RASSF8: variants seen among roughly 807,000 people sequenced by gnomAD.
RASSF8 encodes ras association domain-containing protein 8.
In RASSF8, 22 loss-of-function variants were observed where a neutral mutation model predicts 48.5. The ratio of observed to expected loss-of-function variants is 0.45; its 90% CI spans 0.32 to 0.65. RASSF8 has a LOEUF of 0.65. Among genes scored for constraint, RASSF8 ranks in the 30% least tolerant of loss-of-function variants. The pLI, the probability that RASSF8 is intolerant of heterozygous loss-of-function variation, is 0.03. For synonymous variants in RASSF8, 127 were observed against 171.5 expected, an observed-to-expected ratio of 0.74 and a Z score of 2.03; for missense variants, 418 against 489.2, an observed-to-expected ratio of 0.85 and a Z score of 1.37.
intron 3 of RASSF8, among the ~76,000 whole-genome samples, chr12:26,062,718 A>T (rs2137287655): frequency 6.6e-6 from 1 of 152,310 alleles, no homozygotes; most frequent in South Asian, 2.1e-4. Context: ...TAAATAAAAG[A>T]TCATTGTGAT....
At chr12:25,967,016 G>A (rs78522353) in intron 1 of RASSF8, among the ~76,000 whole-genome samples, 8 of 152,296 alleles carry the variant, frequency 5.3e-5, no homozygotes, top group Non-Finnish European at 1.0e-4. Flanking sequence ...CTGTTGAAAC[G>A]ACTATTCTTT....
In RASSF8 at chr12:26,068,650, T is replaced by C. The variant is rs1417213056; in HGVS notation, c.1139-47T>C. The C allele has an allele frequency of 8.5e-6, 12 of 1,414,732 alleles. No homozygotes were observed. The Admixed American group carries it at 2.2e-4, about 26-fold the overall frequency. The allele number at this position is 1,414,732 out of a possible 1,614,324, so 87.6% of individuals were successfully genotyped here. ...TCTGATTTTTTATATTGCTAAGTAC[T>C]CCAAGTTGACGAGCTCATCAGGTGG... On this transcript the variant is annotated intron_variant, in intron 5 of 5. Coordinates refer to ENST00000689635, the MANE Select transcript of RASSF8 (RefSeq NM_001394098.1).
chr12:26,032,248 G>T (rs1943045376), intron 2 of RASSF8, among the ~76,000 whole-genome samples: 1 of 152,084 alleles, frequency 6.6e-6, no homozygotes, highest in Non-Finnish European at 1.5e-5. Flanking sequence ...AAAGTTTATG[G>T]GAATATTGTG....
intron 2 of RASSF8, among the ~76,000 whole-genome samples, chr12:26,050,927 CG>C (rs1224428604): frequency 2.6e-5 from 4 of 152,030 alleles, no homozygotes; most frequent in Non-Finnish European, 5.9e-5. Flanking sequence ...ATTATCTGAT[CG>C]TTGTTTATTG....
downstream of RASSF8, among the ~76,000 whole-genome samples, chr12:26,075,932 A>C (rs528063908): frequency 6.6e-6 from 1 of 152,138 alleles, no homozygotes; most frequent in East Asian, 1.9e-4. Flanking sequence ...CTGCTCCTAC[A>C]TCACCCCACC....
At chr12:26,051,816 A>G (rs909165834) in intron 2 of RASSF8, among the ~76,000 whole-genome samples, 3 of 152,244 alleles carry the variant, frequency 2.0e-5, no homozygotes, top group Non-Finnish European at 2.9e-5. Context: ...CTGATTCATT[A>G]ACGTTGAACC....
At chr12:26,060,500 TGATAA>T (rs1943718812) in intron 3 of RASSF8, among the ~76,000 whole-genome samples, 1 of 152,316 alleles carries the variant, frequency 6.6e-6, no homozygotes, top group Non-Finnish European at 1.5e-5. Flanking sequence ...ATTTCTTCAC[TGATAA>T]GATGAGGATC....
intron 2 of RASSF8, among the ~76,000 whole-genome samples, chr12:26,004,979 C>T (rs116182792): frequency 1.0e-3 from 151 of 151,686 alleles, no homozygotes; most frequent in African/African-American, 3.4e-3. Flanking sequence ...CAAAGGGAGA[C>T]CCTGTCTTTA....
intron 2 of RASSF8, among the ~76,000 whole-genome samples, chr12:26,002,011 C>G (rs931820290): frequency 3.9e-5 from 6 of 152,192 alleles, no homozygotes; most frequent in Admixed American, 3.9e-4. Context: ...ATGGCTACGC[C>G]GTCACTAGGC....
chr12:25,964,044 G>A (rs1022610612), intron 1 of RASSF8, among the ~76,000 whole-genome samples: 1 of 152,208 alleles, frequency 6.6e-6, no homozygotes, highest in South Asian at 2.1e-4. Context: ...GGCACACCAG[G>A]TGATTTGCCT....
intron 2 of RASSF8, among the ~76,000 whole-genome samples, chr12:26,039,275 T>C (rs1565631389): frequency 1.3e-5 from 2 of 152,236 alleles, no homozygotes; most frequent in Non-Finnish European, 2.9e-5. Flanking sequence ...ACGTGATCTC[T>C]CTGTCTGCTG....
In RASSF8 at chr12:26,069,555, T is replaced by C. The variant is rs567279539; in HGVS notation, c.*737T>C. 1.1e-5 allele frequency: 11 copies of C among 985,452 alleles called. No homozygotes were observed. Among genetic ancestry groups the C allele is most frequent in the Middle Eastern group, 5.2e-4 (1 of 1,914 alleles). 61.0% of individuals were successfully genotyped at this position (985,452 alleles called of 1,614,324 possible). ...AACATTTGCAGTGTTTCAGACACTG[T>C]TGAACAAAAATGTAATTGGTAAGTA... On this transcript the variant is annotated 3_prime_UTR_variant, in exon 6 of 6. Coordinates refer to ENST00000689635, the MANE Select transcript of RASSF8 (RefSeq NM_001394098.1).
At chr12:25,972,744 GTATGT>G (rs1941512139) in intron 1 of RASSF8, among the ~76,000 whole-genome samples, 1 of 152,186 alleles carries the variant, frequency 6.6e-6, no homozygotes, top group South Asian at 2.1e-4. Context: ...TTGACTTCAA[GTATGT>G]TATGTCTGTG....
At chr12:26,059,146 T>A (rs1321059352) in intron 3 of RASSF8, among the ~76,000 whole-genome samples, 1 of 152,188 alleles carries the variant, frequency 6.6e-6, no homozygotes, top group African/African-American at 2.4e-5. Flanking sequence ...TTTGCTTTTA[T>A]CTCAAACCAA....
chr12:25,979,309 G>A (rs1189200321), intron 1 of RASSF8, among the ~76,000 whole-genome samples: 1 of 152,074 alleles, frequency 6.6e-6, no homozygotes, highest in African/African-American at 2.4e-5. Flanking sequence ...AATGAGATCA[G>A]TGCCCTCCCT....
Position 26,053,073 on chromosome 12 carries a change from T to C in RASSF8, c.-108-2163T>C, listed in dbSNP as rs1440326366. The stretch of plus-strand genomic sequence containing the variant: ...GGGGTATAAAGTTTCAGTTACACAA[T>C]TATGAGTAAGTTCTAGAGATCTGCT... On this transcript the variant is annotated intron_variant, in intron 2 of 5. Transcript: ENST00000689635. 4 of 152,118 alleles carry C rather than the reference T, an allele frequency of 2.6e-5. No homozygotes were observed. In the East Asian group the frequency reaches 7.7e-4, roughly 29 times the overall value. 9.4% of individuals were successfully genotyped at this position (152,118 alleles called of 1,614,324 possible).
At chr12:25,985,872 T>C (rs1941861741) in intron 1 of RASSF8, among the ~76,000 whole-genome samples, 1 of 152,198 alleles carries the variant, frequency 6.6e-6, no homozygotes, top group African/African-American at 2.4e-5. Context: ...TGTCATTTAC[T>C]AGCAGGGACA....
rs146828239 is a variant in RASSF8 at position 25,985,098 on chromosome 12, T to G, written c.-202-9939T>G. Among the ~76,000 whole-genome samples, 357 of 152,326 alleles carry G rather than the reference T, an allele frequency of 2.3e-3. 1 individual carries two copies. Among genetic ancestry groups the G allele is most frequent in the African/African-American group, 8.3e-3 (345 of 41,568 alleles). ...ATTGGTGGTTTTGACTCCCCTGGAT[T>G]GGCCTGCTAGTGCTTAATGCAAACC... On this transcript the variant is annotated intron_variant, in intron 1 of 5. Transcript: ENST00000689635.
intron 1 of RASSF8, among the ~76,000 whole-genome samples, chr12:25,969,826 G>T (rs1227974281): frequency 6.6e-6 from 1 of 152,062 alleles, no homozygotes; most frequent in Non-Finnish European, 1.5e-5. Flanking sequence ...GTATTTAGTG[G>T]CCAGGGGCTG....
Sources: allele counts gnomAD v4.1 joint callset (sites outside exome capture counted in the v4.1 genomes callset), GRCh38; gene constraint gnomAD v4.1.1; transcripts MANE v1.5; gene names NCBI Gene and HGNC (gene_info 2026-07-23, HGNC 2026-07-21).